Variants in SSH1 observed in about 807,000 individuals in gnomAD.
The protein encoded by SSH1 is protein phosphatase Slingshot homolog 1.
A neutral mutation model predicts 79.7 loss-of-function variants in SSH1; 43 were observed. The observed-to-expected ratio is 0.54, with a 90% CI of 0.42 to 0.70. SSH1 has a LOEUF of 0.70. Among genes scored for constraint, SSH1 ranks in the 30% least tolerant of loss-of-function variants. The pLI is 0.00. For missense variants in SSH1, 1,206 were observed against 1,358.8 expected (o/e 0.89, Z 1.77); for synonymous variants, 599 against 538.3 (o/e 1.11, Z -1.56).
Position 108,857,401 on chromosome 12 carries a change from G to A in SSH1, c.69+27C>T. 9.8e-7 allele frequency: 1 copy of A among 1,016,724 alleles called. No individual in the cohort carries two copies. Among genetic ancestry groups the A allele is most frequent in the Non-Finnish European group, 1.2e-6 (1 of 849,814 alleles). 63.0% of individuals were successfully genotyped at this position (1,016,724 alleles called of 1,614,324 possible). The stretch of plus-strand genomic sequence containing the variant: ...CTCGGCGCGGCGTCCGGCGGCCCAG[G>A]CCGGGCGCGGCGAGCCCGGGGCTCA... On this transcript the variant is annotated intron_variant, in intron 1 of 14. Coordinates refer to ENST00000326495, the MANE Select transcript of SSH1 (RefSeq NM_018984.4). The surrounding 1 kb of genome is among the most constrained non-coding windows in gnomAD (Gnocchi z 4.7).
chr12:108,793,028 T>C (rs546319280), intron 13 of SSH1, among the ~76,000 whole-genome samples, 199 bp from the exon 14 acceptor site: 2 of 152,336 alleles, frequency 1.3e-5, no homozygotes, highest in South Asian at 4.1e-4. Flanking sequence ...GGCTCCTAAG[T>C]TGTCCAGGCT....
intron 6 of SSH1, 103 bp downstream of exon 6, chr12:108,811,157 C>T: frequency 5.7e-6 from 6 of 1,046,354 alleles, no homozygotes; most frequent in East Asian, 2.4e-5. Context: ...TCCCGCCACA[C>T]GTGTCATTCA....
chr12:108,852,977 C>A, intron 1 of SSH1: 1 of 985,338 alleles, frequency 1.0e-6, no homozygotes, highest in East Asian at 1.1e-4. Context: ...GTCTTTTAGC[C>A]CTCAGCCCTC....
rs747401492 is a variant in SSH1 at position 108,799,048 on chromosome 12, G to A, written c.1301C>T (p.Ala434Val). 8 of 1,613,942 alleles carry A rather than the reference G, an allele frequency of 5.0e-6. No individual in the cohort carries two copies. The highest frequency in any genetic ancestry group is 4.5e-5 in the East Asian group (2 of 44,898). The change falls in exon 13 of 15, where the codon GCG becomes GTG. Residue 434 changes from alanine (A) to valine (V), a missense_variant. Ala to Val is a moderately conservative substitution (Grantham distance 64). Transcript: ENST00000326495. ...KQKRSITRPN[A>V]GFMRQLSEYE... ...CTCAGACAGCTGCCTCATAAAGCCC[G>A]CGTTGGGGCGCGTGATGCTGCGCTT...
Position 108,817,100 on chromosome 12 carries a change from G to A in SSH1, c.339C>T (p.Ser113=). 6.2e-7 allele frequency: 1 copy of A among 1,614,226 alleles called. No individual in the cohort carries two copies. Among genetic ancestry groups the A allele is most frequent in the Non-Finnish European group, 8.5e-7 (1 of 1,180,040 alleles). Reference sequence around the variant, plus strand: ...TCTCCTCGGTGTCCTGGCGCCCGCTGCTGTACACCACCACCATGTACCGGA... The same window carrying A: ...TCTCCTCGGTGTCCTGGCGCCCGCTACTGTACACCACCACCATGTACCGGA... ...DRVRYMVVVY[S]SGRQDTEENI... Residue 113 remains serine, a synonymous_variant, in exon 5 of 15, where the codon AGC becomes AGT. Transcript: ENST00000326495.
intron 4 of SSH1, 41 bp downstream of exon 4, chr12:108,818,207 TA>T (rs760229770): frequency 7.5e-5 from 118 of 1,574,388 alleles, no homozygotes; most frequent in East Asian, 1.1e-4. Context: ...TCACAAAAAT[TA>T]AAAAAAAATT....
At position 108,793,540 on chromosome 12, in the gene SSH1, GAC is replaced by G. The variant is rs1232266180; in HGVS notation, c.1350-713_1350-712del. On this transcript the variant is annotated intron_variant, in intron 13 of 14. Transcript: ENST00000326495. ...CTCCCAAGTGGGGCTACAGGCATGT[GAC>G]ACCATCCCTGGCTAATTTTTAAATT... Among the ~76,000 whole-genome samples, 4 of 151,914 alleles carry G rather than the reference GAC, an allele frequency of 2.6e-5. No homozygotes were observed. In the East Asian group the frequency reaches 7.8e-4, roughly 29 times the overall value.
chr12:108,849,129 C>T (rs1243427521), intron 2 of SSH1, among the ~76,000 whole-genome samples: 1 of 152,202 alleles, frequency 6.6e-6, no homozygotes, highest in Non-Finnish European at 1.5e-5. Flanking sequence ...GGGCCTCAGC[C>T]ACCAACCGGG....
chr12:108,807,938 T>C lies in SSH1; in HGVS notation c.537-111A>G, dbSNP rs2037369613. On this transcript the variant is annotated intron_variant, in intron 7 of 14. Coordinates refer to ENST00000326495, the MANE Select transcript of SSH1 (RefSeq NM_018984.4). The surrounding 1 kb of genome is among the most constrained non-coding windows in gnomAD (Gnocchi z 5.2). Reference sequence around the variant, plus strand: ...GAAGGGAAGGGCAATGATTGATTGGTTGATTATTTCTTTTTGGGACAGAGT... The same window carrying C: ...GAAGGGAAGGGCAATGATTGATTGGCTGATTATTTCTTTTTGGGACAGAGT... 1 of 978,760 alleles carries C rather than the reference T, an allele frequency of 1.0e-6. No individual in the cohort carries two copies. Among genetic ancestry groups the C allele is most frequent in the Admixed American group, 2.0e-5 (1 of 50,364 alleles). The allele number at this position is 978,760 out of a possible 1,614,324, so 60.6% of individuals were successfully genotyped here.
Position 108,781,466 on chromosome 12 carries a change from G to A in SSH1, c.*6522C>T, listed in dbSNP as rs904260029. ...AGCATGTGAGCAATCTGGTCTGCTT[G>A]ATGATTATAATTCTTTTGGTAAAGT... On this transcript the variant is annotated 3_prime_UTR_variant, in exon 15 of 15. Coordinates refer to ENST00000326495, the MANE Select transcript of SSH1 (RefSeq NM_018984.4). The A allele has an allele frequency of 6.6e-6, 1 of 152,222 alleles. No homozygotes were observed. Among genetic ancestry groups the A allele is most frequent in the African/African-American group, 2.4e-5 (1 of 41,444 alleles). The allele number at this position is 152,222 out of a possible 1,614,324, so 9.4% of individuals were successfully genotyped here. A position where few individuals can be genotyped will look rare whatever the true frequency, so the allele number is the denominator to read the frequency against.
At chr12:108,806,255 AG>A (rs1312564003) in intron 9 of SSH1, 45 bp downstream of exon 9, 1 of 1,543,184 alleles carries the variant, frequency 6.5e-7, no homozygotes, top group Admixed American at 1.7e-5. Flanking sequence ...GGACACATGG[AG>A]GCTGCATGAC....
chr12:108,823,371 A>G lies in SSH1; in HGVS notation c.111-10T>C, dbSNP rs1420310608. 1.9e-6 allele frequency: 3 copies of G among 1,558,272 alleles called. No individual in the cohort carries two copies. The highest frequency in any genetic ancestry group is 2.7e-5 in the African/African-American group (2 of 74,014). ...AAAGCTCTCACTTAAGCTGGGAAGG[A>G]TAAGACCAGAGCACAGTTAGACCGG... On this transcript the variant is annotated splice_polypyrimidine_tract_variant and intron_variant, in intron 2 of 14. Transcript: ENST00000326495.
intron 12 of SSH1, among the ~76,000 whole-genome samples, chr12:108,800,346 G>C (rs1375615767): frequency 6.6e-6 from 1 of 152,106 alleles, no homozygotes; most frequent in Non-Finnish European, 1.5e-5. Flanking sequence ...GTATTCTTAG[G>C]GAGACAGTCC....
intron 2 of SSH1, among the ~76,000 whole-genome samples, chr12:108,824,083 T>C (rs1285930688): frequency 1.3e-5 from 2 of 152,258 alleles, no homozygotes; most frequent in African/African-American, 4.8e-5. Flanking sequence ...AACAACTCCA[T>C]TGTTTCTTGG....
At chr12:108,790,478 T>G (rs2036456970) in intron 14 of SSH1, among the ~76,000 whole-genome samples, 1 of 152,094 alleles carries the variant, frequency 6.6e-6, no homozygotes, top group African/African-American at 2.4e-5. Flanking sequence ...GAGACAGGGT[T>G]TCACCATGTT....
chr12:108,838,197 C>T (rs748134328), intron 2 of SSH1, among the ~76,000 whole-genome samples: 20 of 152,216 alleles, frequency 1.3e-4, no homozygotes, highest in Non-Finnish European at 2.2e-4. Context: ...TTACTGATCA[C>T]TGGTATGGGC....
intron 2 of SSH1, among the ~76,000 whole-genome samples, chr12:108,848,855 A>G (rs2038957791): frequency 6.6e-6 from 1 of 151,410 alleles, no homozygotes; most frequent in Admixed American, 6.6e-5. Flanking sequence ...ACCTGCTGAC[A>G]GTGGCACGGA....
intron 6 of SSH1, among the ~76,000 whole-genome samples, chr12:108,810,041 G>A (rs961971026): frequency 3.9e-5 from 6 of 152,194 alleles, no homozygotes; most frequent in African/African-American, 7.2e-5. Flanking sequence ...CTCCGAGAGC[G>A]TCTCTCTATG....
intron 13 of SSH1, among the ~76,000 whole-genome samples, chr12:108,796,975 C>A (rs919234056): frequency 6.6e-6 from 1 of 152,152 alleles, no homozygotes; most frequent in African/African-American, 2.4e-5. Context: ...CTCCTGACCT[C>A]AGGTGATCCA....
Sources: gnomAD v4.1 joint callset for allele counts (sites outside exome capture counted in the v4.1 genomes callset) on GRCh38, gnomAD v4.1.1 for gene constraint, Gnocchi (gnomAD v3.1) non-coding constraint, MANE v1.5 for transcripts, NCBI Gene and HGNC (gene_info 2026-07-23, HGNC 2026-07-21) for gene names.